The following CEP192 variants were observed in gnomAD, a reference collection of about 807,000 sequenced individuals.
CEP192 encodes the protein centrosomal protein of 192 kDa.
Under a neutral mutation model 271.8 loss-of-function variants are expected in CEP192, and 151 were observed. That is an observed-to-expected ratio of 0.56 (90% CI 0.49 to 0.64). CEP192 has a LOEUF of 0.64. Ranked by LOEUF, CEP192 falls within the 30% of genes least tolerant of loss-of-function variation. The pLI is 0.00. For synonymous variants in CEP192, 995 were observed against 1,076.5 expected (o/e 0.92, Z 1.48); for missense variants, 2,910 against 3,020.5 (o/e 0.96, Z 0.86).
rs760262290 is a variant in CEP192 at position 13,040,864 on chromosome 18, A to G, written c.1844A>G (p.Lys615Arg). Reference sequence around the variant, plus strand: ...GGCTATTTTATTAGATCACCAGAGAAGAGAGAACCTATTGCCTTAATAAGA... The same window carrying G: ...GGCTATTTTATTAGATCACCAGAGAGGAGAGAACCTATTGCCTTAATAAGA... Reference protein sequence around the residue: ...SFGYFIRSPEKREPIALIRKS... With the variant: ...SFGYFIRSPERREPIALIRKS... Residue 615 changes from lysine to arginine, a missense_variant, in exon 14 of 45, where the codon AAG becomes AGG. Lys to Arg is a conservative substitution (Grantham distance 26, BLOSUM62 2). Transcript: ENST00000506447. 1 of 1,601,662 alleles carries G rather than the reference A, an allele frequency of 6.2e-7. No homozygotes were observed. Among genetic ancestry groups the G allele is most frequent in the Non-Finnish European group, 8.5e-7 (1 of 1,171,262 alleles).
intron 15 of CEP192, 40 bp downstream of exon 15, chr18:13,042,374 G>C (rs774761688): frequency 6.2e-7 from 1 of 1,604,614 alleles, no homozygotes; most frequent in South Asian, 1.1e-5. Flanking sequence ...AGATTATCTT[G>C]TTGTAGTTCT....
intron 21 of CEP192, among the ~76,000 whole-genome samples, chr18:13,060,905 CAG>C (rs150085068): frequency 6.8e-6 from 1 of 148,024 alleles, no homozygotes; most frequent in African/African-American, 2.5e-5. Context: ...GCCTGGGCAA[CAG>C]AGCGAGACCC....
chr18:13,033,239 T>A (rs2035734258), intron 11 of CEP192, among the ~76,000 whole-genome samples: 1 of 152,012 alleles, frequency 6.6e-6, no homozygotes. Context: ...ACAGTTCCAA[T>A]AAACAATAAG....
intron 36 of CEP192, 82 bp downstream of exon 36, chr18:13,096,389 G>T: frequency 6.5e-7 from 1 of 1,548,438 alleles, no homozygotes; most frequent in Admixed American, 1.8e-5. Flanking sequence ...ATATGTCATT[G>T]TAGTTTATCC....
chr18:13,109,244 C>A (rs1283757287), intron 40 of CEP192, among the ~76,000 whole-genome samples: 1 of 152,118 alleles, frequency 6.6e-6, no homozygotes, highest in Non-Finnish European at 1.5e-5. Context: ...ACCTTTGTAG[C>A]AACATGGATA....
intron 30 of CEP192, among the ~76,000 whole-genome samples, chr18:13,075,118 G>A (rs1417276022): frequency 1.3e-5 from 2 of 152,188 alleles, no homozygotes; most frequent in Admixed American, 1.3e-4. Context: ...AGGTGTTTAG[G>A]TCATGAGGCT....
chr18:13,043,465 G>A (rs2036316802), intron 15 of CEP192, among the ~76,000 whole-genome samples: 1 of 151,982 alleles, frequency 6.6e-6, no homozygotes, highest in Non-Finnish European at 1.5e-5. Flanking sequence ...GTGCTTCTTC[G>A]GTCTGTTTAT....
At chr18:13,031,729 A>G (rs999925798) in intron 11 of CEP192, among the ~76,000 whole-genome samples, 1 of 152,222 alleles carries the variant, frequency 6.6e-6, no homozygotes, top group Non-Finnish European at 1.5e-5. Flanking sequence ...GTACACAGTC[A>G]TCGGCATCAT....
chr18:13,032,831 A>G (rs1241473151), intron 11 of CEP192, among the ~76,000 whole-genome samples: 4 of 152,230 alleles, frequency 2.6e-5, no homozygotes, highest in Non-Finnish European at 5.9e-5. Context: ...ACCCTGGAAT[A>G]TTAGGTTGCA....
chr18:13,042,062 C>A lies in CEP192; in HGVS notation c.1937-142C>A, dbSNP rs145657806. 132 of 624,820 alleles carry A rather than the reference C, an allele frequency of 2.1e-4. No individual in the cohort carries two copies. The African/African-American group carries it at 2.2e-3, about 11-fold the overall frequency. The allele number at this position is 624,820 out of a possible 1,614,324, so 38.7% of individuals were successfully genotyped here. The stretch of plus-strand genomic sequence containing the variant: ...CTGTCCAAGTGACTATACGTTTAAA[C>A]CATTATAGTGAAGGCAACTGACATT... On this transcript the variant is annotated intron_variant, in intron 14 of 44. Coordinates refer to ENST00000506447, the MANE Select transcript of CEP192 (RefSeq NM_032142.4).
In CEP192 at chr18:13,104,976, C is replaced by T. The variant is rs1437855905; in HGVS notation, c.6952-8C>T. On this transcript the variant is annotated splice_region_variant and splice_polypyrimidine_tract_variant and intron_variant, in intron 39 of 44. Coordinates refer to ENST00000506447, the MANE Select transcript of CEP192 (RefSeq NM_032142.4). ...GGTTTTTAATTTGTTTAAATGATTG[C>T]TTTGCAGGGAGTTGATGAAAGTGGA... 8.1e-6 allele frequency: 13 copies of T among 1,600,074 alleles called. No individual in the cohort carries two copies. The highest frequency in any genetic ancestry group is 1.1e-5 in the South Asian group (1 of 90,782).
chr18:13,043,744 G>A (rs1016484344), intron 15 of CEP192, among the ~76,000 whole-genome samples: 1 of 152,088 alleles, frequency 6.6e-6, no homozygotes, highest in South Asian at 2.1e-4. Context: ...CTTCTAATCC[G>A]TGAAACTAAC....
In CEP192 at chr18:13,103,520, G is replaced by A. The variant is rs763742754; in HGVS notation, c.6883G>A (p.Glu2295Lys). ...EPGETSESCL[E>K]LENHGTTDVK... is the part of the protein sequence containing the mutation. ...TGTGTTCCTTTTAGAGAGCTGTCTA[G>A]AACTCGAGAATCATGGCACCACAGA... is the stretch of plus-strand genomic sequence containing the variant. Residue 2295 changes from glutamate to lysine, a missense_variant, in exon 39 of 45, where the codon GAA (glutamate) becomes AAA (lysine). Transcript: ENST00000506447. The A allele has an allele frequency of 1.5e-5, 24 of 1,613,488 alleles. No homozygotes were observed. The Admixed American group carries it at 3.8e-4, about 26-fold the overall frequency.
At chr18:13,120,902 T>C (rs1237843940) in intron 44 of CEP192, among the ~76,000 whole-genome samples, 2 of 152,224 alleles carry the variant, frequency 1.3e-5, no homozygotes, top group African/African-American at 2.4e-5. Flanking sequence ...CTCTGGGTTA[T>C]AGGAAACTTT....
chr18:13,006,735 A>G (rs1257233460), intron 3 of CEP192, among the ~76,000 whole-genome samples: 3 of 151,374 alleles, frequency 2.0e-5, no homozygotes. Flanking sequence ...TGGCTTCCAC[A>G]CAAGAGGGAC....
rs74784299 is a variant in CEP192 at position 13,057,799 on chromosome 18, C to T, written c.4257+66C>T. On this transcript the variant is annotated intron_variant, in intron 20 of 44. Transcript: ENST00000506447. ...TTGTGATTAGGTGCTTGATTTCCCC[C>T]ATCTCTAGTGCTAGGTTCTCCCTTC... 2,150 of 1,496,966 alleles carry T rather than the reference C, an allele frequency of 1.4e-3. 24 individuals are homozygous for T. In the African/African-American group the frequency reaches 0.026, roughly 18 times the overall value. 92.7% of individuals were successfully genotyped at this position (1,496,966 alleles called of 1,614,324 possible).
chr18:13,069,329 G>C, intron 26 of CEP192, 148 bp downstream of exon 26: 1 of 658,720 alleles, frequency 1.5e-6, no homozygotes, highest in Middle Eastern at 3.2e-4. Context: ...TAAAAACTGG[G>C]TGTTATATAG....
chr18:13,032,898 G>A (rs912407948), intron 11 of CEP192, among the ~76,000 whole-genome samples: 4 of 152,192 alleles, frequency 2.6e-5, no homozygotes, highest in Middle Eastern at 3.2e-3. Context: ...TCAGGAACAT[G>A]TGGAATGACG....
intron 1 of CEP192, among the ~76,000 whole-genome samples, chr18:12,991,740 C>T (rs1363462868): frequency 6.6e-6 from 1 of 152,250 alleles, no homozygotes; most frequent in Non-Finnish European, 1.5e-5. Flanking sequence ...TCTTTCCTCC[C>T]CTCTTGTCTG....
Sources: allele counts gnomAD v4.1 joint callset (sites outside exome capture counted in the v4.1 genomes callset), GRCh38; gene constraint gnomAD v4.1.1; transcripts MANE v1.5; gene names NCBI Gene and HGNC (gene_info 2026-07-23, HGNC 2026-07-21).